Variants in SLIT2 observed in about 807,000 individuals in gnomAD.
SLIT2 encodes slit homolog 2 protein.
In SLIT2, 41 loss-of-function variants were observed where a neutral mutation model predicts 185.7. The ratio of observed to expected loss-of-function variants is 0.22; its 90% CI spans 0.17 to 0.29. The LOEUF is 0.29. Among genes scored for constraint, SLIT2 ranks in the 10% least tolerant of loss-of-function variants. The pLI, the probability that SLIT2 is intolerant of heterozygous loss-of-function variation, is 1.00. For missense variants in SLIT2, 1,571 were observed against 1,909.0 expected, an observed-to-expected ratio of 0.82 and a Z score of 3.30; for synonymous variants, 693 against 680.2, an observed-to-expected ratio of 1.02 and a Z score of -0.29.
chr4:20,443,582 TAA>T (rs71653885), intron 4 of SLIT2, among the ~76,000 whole-genome samples: 13,516 of 62,906 alleles, frequency 0.21, 842 homozygotes, highest in Middle Eastern at 0.3. Context: ...GGAGAAAATC[TAA>T]AAAAAAAAAA....
chr4:20,405,692 G>T (rs951538868), intron 4 of SLIT2, among the ~76,000 whole-genome samples: 19 of 151,798 alleles, frequency 1.3e-4, no homozygotes, highest in Non-Finnish European at 1.6e-4. Flanking sequence ...TTCCATAAGA[G>T]ATGTTATTTG....
At chr4:20,582,200 C>G (rs1287571793) in intron 29 of SLIT2, among the ~76,000 whole-genome samples, 1 of 152,192 alleles carries the variant, frequency 6.6e-6, no homozygotes, top group Non-Finnish European at 1.5e-5. Context: ...CGGGCTCACT[C>G]CCCATCTCTT....
chr4:20,329,985 A>AT (rs1291581126), intron 4 of SLIT2, among the ~76,000 whole-genome samples: 1 of 151,472 alleles, frequency 6.6e-6, no homozygotes, highest in Non-Finnish European at 1.5e-5. Flanking sequence ...TAATTTTATC[A>AT]TTTTTTATTT....
At chr4:20,259,293 T>A (rs1712188485) in intron 3 of SLIT2, among the ~76,000 whole-genome samples, 1 of 151,742 alleles carries the variant, frequency 6.6e-6, no homozygotes, top group Non-Finnish European at 1.5e-5. Flanking sequence ...ATTAGCTAAT[T>A]CCTAGTAAGT....
intron 4 of SLIT2, among the ~76,000 whole-genome samples, chr4:20,302,575 C>G (rs143691677): frequency 6.6e-6 from 1 of 151,954 alleles, no homozygotes; most frequent in Non-Finnish European, 1.5e-5. Context: ...TGAGATAAAG[C>G]GTTCATGAGG....
chr4:20,598,514 A>G, intron 33 of SLIT2, 119 bp downstream of exon 33: 1 of 1,145,936 alleles, frequency 8.7e-7, no homozygotes, highest in Non-Finnish European at 1.3e-6. Flanking sequence ...AGGTTTTAGG[A>G]TGAGGGTATT....
chr4:20,566,680 A>C (rs1268069397), intron 26 of SLIT2, among the ~76,000 whole-genome samples: 2 of 152,016 alleles, frequency 1.3e-5, no homozygotes, highest in African/African-American at 4.8e-5. Context: ...AAAGGAAATG[A>C]GGGAGATGAT....
At position 20,253,765 on chromosome 4, in the gene SLIT2, C is replaced by G. The variant is rs1259226884; in HGVS notation, c.-51C>G. The G allele has an allele frequency of 6.3e-7, 1 of 1,584,528 alleles. No homozygotes were observed. Among genetic ancestry groups the G allele is most frequent in the Non-Finnish European group, 8.5e-7 (1 of 1,171,766 alleles). On this transcript the variant is annotated 5_prime_UTR_variant, in exon 1 of 37. Transcript: ENST00000504154. ...ACACTGCGCGGTTCCCTCGGAGCAG[C>G]AAGCTAAAGAAAGCCCCCAGTGCCG...
intron 4 of SLIT2, among the ~76,000 whole-genome samples, chr4:20,404,457 T>C (rs1726608499): frequency 6.6e-6 from 1 of 152,020 alleles, no homozygotes; most frequent in Non-Finnish European, 1.5e-5. Context: ...TCTCCGAGTT[T>C]CATAAGGTTA....
At position 20,252,002 on chromosome 4, in the gene SLIT2, C is replaced by T. The variant is rs955870980; in HGVS notation, c.-1814C>T. Among the ~76,000 whole-genome samples the T allele has an allele frequency of 1.3e-5, 2 of 151,110 alleles. No individual in the cohort carries two copies. Among genetic ancestry groups the T allele is most frequent in the African/African-American group, 4.9e-5 (2 of 41,070 alleles). On this transcript the variant is annotated 5_prime_UTR_variant, in exon 1 of 37. Transcript: ENST00000504154. ...ACTGTGGTTAAAAAAAAGAAGGCGG[C>T]GGCGGCGGCGGCGGCGGAGGCGGAG...
intron 4 of SLIT2, among the ~76,000 whole-genome samples, chr4:20,441,197 G>C (rs1729712584): frequency 6.6e-6 from 1 of 152,148 alleles, no homozygotes; most frequent in Non-Finnish European, 1.5e-5. Flanking sequence ...GAACTGCTGG[G>C]TCCTGATTTA....
chr4:20,575,849 C>G (rs1251738399), intron 29 of SLIT2, among the ~76,000 whole-genome samples: 1 of 151,858 alleles, frequency 6.6e-6, no homozygotes, highest in Non-Finnish European at 1.5e-5. Context: ...TAAATTCCCC[C>G]CGAGAACTAG....
At chr4:20,606,302 A>G (rs1189462267) in intron 33 of SLIT2, among the ~76,000 whole-genome samples, 4 of 152,046 alleles carry the variant, frequency 2.6e-5, no homozygotes, top group Non-Finnish European at 5.9e-5. Flanking sequence ...GAAACATGGC[A>G]ATACCCTATC....
chr4:20,507,129 T>C (rs1282490315), intron 9 of SLIT2, among the ~76,000 whole-genome samples: 1 of 151,992 alleles, frequency 6.6e-6, no homozygotes, highest in Non-Finnish European at 1.5e-5. Flanking sequence ...GTCTGAAATA[T>C]TGTTTTTGCA....
chr4:20,508,924 G>T (rs1484166474), intron 9 of SLIT2, among the ~76,000 whole-genome samples: 1 of 151,958 alleles, frequency 6.6e-6, no homozygotes, highest in Non-Finnish European at 1.5e-5. Context: ...CATGAGAAGG[G>T]CTTTGAAATC....
intron 11 of SLIT2, among the ~76,000 whole-genome samples, chr4:20,513,432 T>G (rs1229698583): frequency 1.3e-5 from 2 of 152,352 alleles, no homozygotes; most frequent in East Asian, 3.9e-4. Context: ...AAAGATTAAG[T>G]TATTTTCCCC....
At position 20,619,026 on chromosome 4, in the gene SLIT2, T is replaced by C. The variant is rs1429838610; in HGVS notation, c.*17T>C. ...GTGTCCTAAACACACTCCCGGCAGC[T>C]CTGTCTTTGGAAAAGGTTGTATACT... On this transcript the variant is annotated 3_prime_UTR_variant, in exon 37 of 37. Coordinates refer to ENST00000504154, the MANE Select transcript of SLIT2 (RefSeq NM_004787.4). 2 of 1,603,018 alleles carry C rather than the reference T, an allele frequency of 1.2e-6. No individual in the cohort carries two copies. The highest frequency in any genetic ancestry group is 1.7e-6 in the Non-Finnish European group (2 of 1,170,748).
chr4:20,511,593 T>TTTTTTATTTTTA (rs1553915383), intron 11 of SLIT2, among the ~76,000 whole-genome samples: 40 of 134,246 alleles, frequency 3.0e-4, no homozygotes, highest in Non-Finnish European at 5.7e-4. Flanking sequence ...GCTAATTTTT[T>TTTTTTATTTTTA]TTTTTTTTTT....
intron 4 of SLIT2, among the ~76,000 whole-genome samples, chr4:20,445,584 A>G (rs996256240): frequency 2.0e-4 from 30 of 152,288 alleles, no homozygotes; most frequent in African/African-American, 6.0e-4. Context: ...ACACTTTAAT[A>G]CAGAGGATCT....
Sources: allele counts gnomAD v4.1 joint callset (sites outside exome capture counted in the v4.1 genomes callset), GRCh38; gene constraint gnomAD v4.1.1; transcripts MANE v1.5; gene names NCBI Gene and HGNC (gene_info 2026-07-23, HGNC 2026-07-21).